Variants in ADARB2 observed in about 807,000 individuals in gnomAD.
The protein encoded by ADARB2 is adenosine deaminase RNA specific B2 (inactive).
A neutral mutation model predicts 62.2 loss-of-function variants in ADARB2; 25 were observed. The ratio of observed to expected loss-of-function variants is 0.40; its 90% CI spans 0.29 to 0.56. The LOEUF (loss-of-function observed/expected upper bound fraction) is 0.56. ADARB2 is among the 20% of genes least tolerant of loss of function. The pLI is 0.43. For missense variants in ADARB2, 1,071 were observed against 1,077.4 expected, an observed-to-expected ratio of 0.99 and a Z score of 0.08; for synonymous variants, 572 against 500.8, an observed-to-expected ratio of 1.14 and a Z score of -1.90.
At chr10:1,670,358 C>T (rs1410260676) in intron 1 of ADARB2, among the ~76,000 whole-genome samples, 1 of 152,220 alleles carries the variant, frequency 6.6e-6, no homozygotes, top group East Asian at 1.9e-4. Context: ...CCTTAGAGGA[C>T]TGAACCCAGC....
intron 4 of ADARB2, among the ~76,000 whole-genome samples, chr10:1,256,358 T>G (rs143917076): frequency 1.2e-3 from 179 of 152,280 alleles, no homozygotes; most frequent in Non-Finnish European, 1.9e-3. Context: ...TGATGGGGTC[T>G]GGGAGCATGA....
intron 1 of ADARB2, among the ~76,000 whole-genome samples, chr10:1,731,273 G>A (rs925460545): frequency 6.6e-5 from 10 of 152,142 alleles, no homozygotes; most frequent in Admixed American, 6.5e-4. Flanking sequence ...ACAATGTCAG[G>A]CAAGCAATCA....
intron 1 of ADARB2, among the ~76,000 whole-genome samples, chr10:1,730,475 G>C (rs142693073): frequency 6.6e-6 from 1 of 152,112 alleles, no homozygotes; most frequent in African/African-American, 2.4e-5. Flanking sequence ...CAAACACGAG[G>C]GTCCTAGTTG....
At chr10:1,676,367 T>A (rs940713263) in intron 1 of ADARB2, among the ~76,000 whole-genome samples, 1 of 152,170 alleles carries the variant, frequency 6.6e-6, no homozygotes, top group Non-Finnish European at 1.5e-5. Context: ...TTGTGAACCA[T>A]TGACTTGTAT....
At chr10:1,448,839 C>A (rs909941763) in intron 1 of ADARB2, among the ~76,000 whole-genome samples, 1 of 152,018 alleles carries the variant, frequency 6.6e-6, no homozygotes, top group Non-Finnish European at 1.5e-5. Flanking sequence ...GGAGCCATAC[C>A]CCCCCAGAAG....
Position 1,639,528 on chromosome 10 carries a change from C to A in ADARB2, c.100+97523G>T, listed in dbSNP as rs117369226. Among the ~76,000 whole-genome samples, 1,021 of 152,312 alleles carry A rather than the reference C, an allele frequency of 6.7e-3. 7 individuals carry two copies. The highest frequency in any genetic ancestry group is 0.014 in the South Asian group (67 of 4,824). On this transcript the variant is annotated intron_variant, in intron 1 of 9. Coordinates refer to ENST00000381312, the MANE Select transcript of ADARB2 (RefSeq NM_018702.4). ...CTTACCCTAAGAAAGCTTTGGGCTC[C>A]AACATGACTTCCCGTTCTTATAAAA...
chr10:1,271,096 C>G (rs74547721), intron 3 of ADARB2, 27 bp from the exon 4 acceptor site: 2 of 1,596,978 alleles, frequency 1.3e-6, no homozygotes, highest in Non-Finnish European at 8.6e-7. Context: ...CAGGCCTCCA[C>G]GTTGGGCTGA....
chr10:1,557,757 A>G (rs899104971), intron 1 of ADARB2, among the ~76,000 whole-genome samples: 2 of 152,008 alleles, frequency 1.3e-5, no homozygotes, highest in African/African-American at 2.4e-5. Flanking sequence ...ATACACACAC[A>G]AAAAATTAGC....
At chr10:1,407,057 C>T (rs1440970005) in intron 1 of ADARB2, among the ~76,000 whole-genome samples, 1 of 152,216 alleles carries the variant, frequency 6.6e-6, no homozygotes, top group East Asian at 1.9e-4. Context: ...ATCCATAAAG[C>T]CCACTTATTT....
intron 1 of ADARB2, among the ~76,000 whole-genome samples, chr10:1,500,819 T>G (rs1831759269): frequency 1.3e-5 from 2 of 152,238 alleles, no homozygotes; most frequent in African/African-American, 4.8e-5. Context: ...GGAAAAGCAC[T>G]GTTGTGCTGT....
intron 1 of ADARB2, among the ~76,000 whole-genome samples, chr10:1,452,570 C>G (rs942021358): frequency 6.7e-6 from 1 of 148,192 alleles, no homozygotes; most frequent in African/African-American, 2.5e-5. Flanking sequence ...TGCATGTTCT[C>G]ACTCGTAAGT....
intron 3 of ADARB2, among the ~76,000 whole-genome samples, chr10:1,354,606 G>A (rs966139628): frequency 1.3e-5 from 2 of 152,256 alleles, no homozygotes; most frequent in East Asian, 3.9e-4. Flanking sequence ...AATGGGCGAA[G>A]GAGAGGGGGC....
At chr10:1,610,435 G>A (rs975910092) in intron 1 of ADARB2, among the ~76,000 whole-genome samples, 4 of 152,228 alleles carry the variant, frequency 2.6e-5, no homozygotes, top group South Asian at 4.1e-4. Context: ...GACAGAAAAA[G>A]GGATAATTTT....
chr10:1,363,972 G>A, intron 2 of ADARB2, 55 bp from the exon 3 acceptor site: 4 of 1,411,272 alleles, frequency 2.8e-6, no homozygotes, highest in African/African-American at 1.5e-5. Context: ...CAGGTCGATG[G>A]GCACAGCAGG....
At chr10:1,660,318 T>C (rs1834229295) in intron 1 of ADARB2, among the ~76,000 whole-genome samples, 1 of 152,262 alleles carries the variant, frequency 6.6e-6, no homozygotes, top group Admixed American at 6.5e-5. Context: ...CAAACATTTA[T>C]TGAGCATTTC....
intron 3 of ADARB2, among the ~76,000 whole-genome samples, chr10:1,354,579 G>T (rs542050309): frequency 6.6e-6 from 1 of 152,342 alleles, no homozygotes; most frequent in South Asian, 2.1e-4. Flanking sequence ...GAAAAGAGGA[G>T]CCTCAGGGGA....
At chr10:1,347,304 C>T (rs1832089946) in intron 3 of ADARB2, among the ~76,000 whole-genome samples, 1 of 152,236 alleles carries the variant, frequency 6.6e-6, no homozygotes, top group African/African-American at 2.4e-5. Context: ...CCCCAGCCGG[C>T]GTCCCTGGGA....
At chr10:1,545,581 T>G (rs1406842987) in intron 1 of ADARB2, among the ~76,000 whole-genome samples, 2 of 152,302 alleles carry the variant, frequency 1.3e-5, no homozygotes, top group East Asian at 3.9e-4. Flanking sequence ...TTAAGGAAGA[T>G]GGCCTCGGTT....
chr10:1,333,463 A>G (rs565883252), intron 3 of ADARB2, among the ~76,000 whole-genome samples: 1 of 152,172 alleles, frequency 6.6e-6, no homozygotes, highest in Admixed American at 6.5e-5. Context: ...GACCTCAACC[A>G]CCACATGAAA....
Sources: gnomAD v4.1 joint callset for allele counts (sites outside exome capture counted in the v4.1 genomes callset) on GRCh38, gnomAD v4.1.1 for gene constraint, MANE v1.5 for transcripts, NCBI Gene and HGNC (gene_info 2026-07-23, HGNC 2026-07-21) for gene names.